The following KCNU1 variants were observed in gnomAD, a reference collection of about 807,000 sequenced individuals.
KCNU1 encodes potassium calcium-activated channel subfamily U member 1.
In KCNU1, 93 loss-of-function variants were observed where a neutral mutation model predicts 126.8. The observed-to-expected ratio is 0.73, with a 90% CI of 0.62 to 0.87. The LOEUF is 0.87. Among genes scored for constraint, KCNU1 ranks in the 40% least tolerant of loss-of-function variants. The probability of loss-of-function intolerance (pLI) is 0.00; values close to 1 mark genes in which losing one functional copy is unlikely to be tolerated. For missense variants in KCNU1, 1,330 were observed against 1,367.1 expected, an observed-to-expected ratio of 0.97 and a Z score of 0.43; for synonymous variants, 523 against 494.2, an observed-to-expected ratio of 1.06 and a Z score of -0.77.
intron 16 of KCNU1, 27 bp downstream of exon 16, chr8:36,841,030 A>ATTTT: frequency 2.5e-6 from 2 of 816,190 alleles, no homozygotes; most frequent in Non-Finnish European, 1.9e-6. Context: ...TCATCTCTTC[A>ATTTT]GTTGTTTTTT....
intron 2 of KCNU1, among the ~76,000 whole-genome samples, chr8:36,788,620 T>C (rs1242669035): frequency 1.3e-5 from 2 of 152,196 alleles, no homozygotes; most frequent in African/African-American, 4.8e-5. Context: ...TGGTTGGAAG[T>C]ATTAAGTAAA....
At chr8:36,912,956 A>C (rs1434348483) in intron 22 of KCNU1, among the ~76,000 whole-genome samples, 1 of 144,330 alleles carries the variant, frequency 6.9e-6, no homozygotes, top group Non-Finnish European at 1.5e-5. Flanking sequence ...GACAGAGCAA[A>C]AAAAAAAAAA....
At chr8:36,896,784 T>A (rs1396657622) in intron 19 of KCNU1, among the ~76,000 whole-genome samples, 1 of 152,034 alleles carries the variant, frequency 6.6e-6, no homozygotes, top group Non-Finnish European at 1.5e-5. Flanking sequence ...GAGCTTTTGA[T>A]ATGAAAAAGA....
intron 19 of KCNU1, among the ~76,000 whole-genome samples, chr8:36,865,883 C>T (rs900932460): frequency 7.9e-5 from 12 of 151,612 alleles, no homozygotes; most frequent in South Asian, 2.1e-4. Context: ...TGCAGCAACA[C>T]GGATGAACCT....
chr8:36,827,385 C>T (rs530062302), intron 10 of KCNU1, among the ~76,000 whole-genome samples: 22 of 152,162 alleles, frequency 1.4e-4, no homozygotes, highest in Non-Finnish European at 1.5e-5. Context: ...AGGGGAACTG[C>T]ACTTTTTTGT....
rs142500607 is a variant in KCNU1 at position 36,928,714 on chromosome 8, G to A, written c.2737-2237G>A. 1.3e-3 allele frequency among the ~76,000 whole-genome samples: 203 copies of A among 152,188 alleles called. 1 individual carries two copies. The highest frequency in any genetic ancestry group is 4.5e-3 in the African/African-American group (185 of 41,544). ...ATCCATTGAAGTCAATATTCTTACA[G>A]CCTTCAAACACCTGCCTTGTTCAGT... On this transcript the variant is annotated intron_variant, in intron 24 of 26. Coordinates refer to ENST00000399881, the MANE Select transcript of KCNU1 (RefSeq NM_001031836.3).
At chr8:36,807,493 AT>A in intron 6 of KCNU1, 43 bp downstream of exon 6, 1 of 1,392,742 alleles carries the variant, frequency 7.2e-7, no homozygotes, top group Non-Finnish European at 1.0e-6. Flanking sequence ...ATTAGTTTGG[AT>A]TAGAAAATGA....
Position 36,815,637 on chromosome 8 carries a change from T to G in KCNU1, c.945T>G (p.Phe315Leu). ...ATATACCTGAAATGGTGGAACTGTT[T>G]GCTAACAAGAGGAAATACACCAGTT... Reference protein sequence around the residue: ...ANYIPEMVELFANKRKYTSSY... With the variant: ...ANYIPEMVELLANKRKYTSSY... The change falls in exon 9 of 27, where the codon TTT (phenylalanine) becomes TTG (leucine). Residue 315 changes from phenylalanine (F) to leucine (L), a missense_variant. By Grantham distance (22) the Phe-to-Leu change is conservative (BLOSUM62 0). Around this residue, in one of 3 missense-constraint regions of KCNU1, gnomAD observed 1,054 missense variants for 1,053.9 expected, o/e 1.00. Transcript: ENST00000399881. 1 of 1,597,306 alleles carries G rather than the reference T, an allele frequency of 6.3e-7. No homozygotes were observed. The highest frequency in any genetic ancestry group is 8.5e-7 in the Non-Finnish European group (1 of 1,171,420).
At position 36,927,002 on chromosome 8, in the gene KCNU1, C is replaced by T. The variant is rs77859803; in HGVS notation, c.2737-3949C>T. On this transcript the variant is annotated intron_variant, in intron 24 of 26. Transcript: ENST00000399881. ...TTTTCAACTGGATATTAAGGGCCCT[C>T]TTCCTTCCCATGTATACTCAGACAC... Among the ~76,000 whole-genome samples, 1,056 of 152,208 alleles carry T rather than the reference C, an allele frequency of 6.9e-3. 17 individuals are homozygous for T. The highest frequency in any genetic ancestry group is 0.024 in the African/African-American group (1,000 of 41,542).
At chr8:36,856,205 CT>C (rs1364581669) in intron 18 of KCNU1, among the ~76,000 whole-genome samples, 1 of 152,116 alleles carries the variant, frequency 6.6e-6, no homozygotes, top group Non-Finnish European at 1.5e-5. Flanking sequence ...TCCTTCATTT[CT>C]TTCAACATAT....
intron 19 of KCNU1, among the ~76,000 whole-genome samples, chr8:36,866,181 G>A (rs931588160): frequency 6.6e-6 from 1 of 152,164 alleles, no homozygotes; most frequent in African/African-American, 2.4e-5. Flanking sequence ...AGTGTAATAA[G>A]TGCAGAGCCT....
chr8:36,786,295 G>A (rs559279010), intron 1 of KCNU1, among the ~76,000 whole-genome samples: 1 of 152,156 alleles, frequency 6.6e-6, no homozygotes, highest in African/African-American at 2.4e-5. Flanking sequence ...ATTTTATGAT[G>A]GAATTCAAAT....
At chr8:36,802,226 T>A (rs1299393582) in intron 2 of KCNU1, among the ~76,000 whole-genome samples, 2 of 152,010 alleles carry the variant, frequency 1.3e-5, no homozygotes, top group African/African-American at 4.8e-5. Context: ...ACCCAATCAC[T>A]TGTAAACTAG....
At chr8:36,825,602 G>A (rs1190838114) in intron 10 of KCNU1, among the ~76,000 whole-genome samples, 2 of 152,140 alleles carry the variant, frequency 1.3e-5, no homozygotes, top group Non-Finnish European at 2.9e-5. Context: ...TGGAAACATG[G>A]TGCAGTGGAG....
At chr8:36,896,422 A>T (rs963685302) in intron 19 of KCNU1, among the ~76,000 whole-genome samples, 17 of 152,080 alleles carry the variant, frequency 1.1e-4, no homozygotes, top group African/African-American at 3.9e-4. Flanking sequence ...AATTATTAAT[A>T]AATGTTTTGA....
At chr8:36,889,427 T>C (rs1005448074) in intron 19 of KCNU1, 29 of 334,724 alleles carry the variant, frequency 8.7e-5, no homozygotes, top group Non-Finnish European at 3.0e-5. Flanking sequence ...AGCTTTTTAA[T>C]TGTTTTGACT....
At chr8:36,812,164 G>A (rs562910488) in intron 7 of KCNU1, among the ~76,000 whole-genome samples, 17 of 152,118 alleles carry the variant, frequency 1.1e-4, no homozygotes, top group Admixed American at 3.9e-4. Flanking sequence ...CGGATCTCCC[G>A]AGGTTGGGAG....
In KCNU1 at chr8:36,806,261, T is replaced by G. The variant is rs766494320; in HGVS notation, c.469-8T>G. ...CAGAATTTGTGTTATTCTGTTTCTA[T>G]TTCATAGTTTATGGCAGCTGATGAC... On this transcript the variant is annotated splice_polypyrimidine_tract_variant and splice_region_variant and intron_variant, in intron 4 of 26. Transcript: ENST00000399881. The G allele has an allele frequency of 4.7e-5, 74 of 1,583,424 alleles. No homozygotes were observed. The highest frequency in any genetic ancestry group is 2.2e-5 in the Non-Finnish European group (25 of 1,157,490).
intron 7 of KCNU1, among the ~76,000 whole-genome samples, chr8:36,811,779 A>G (rs1803726463): frequency 6.6e-6 from 1 of 152,092 alleles, no homozygotes; most frequent in Admixed American, 6.6e-5. Context: ...TAAAAATAGA[A>G]AAATTAGTCG....
Sources: allele counts gnomAD v4.1 joint callset (sites outside exome capture counted in the v4.1 genomes callset), GRCh38; gene constraint gnomAD v4.1.1; regional missense constraint gnomAD v4.1.1; transcripts MANE v1.5; gene names NCBI Gene and HGNC (gene_info 2026-07-23, HGNC 2026-07-21).